PDE4A: variants seen among roughly 807,000 people sequenced by gnomAD.
PDE4A encodes the protein 3',5'-cyclic-AMP phosphodiesterase 4A.
PDE4A carries 21 observed loss-of-function variants against 73.9 expected under a neutral mutation model. That is an observed-to-expected ratio of 0.28 (90% CI 0.20 to 0.41). PDE4A has a LOEUF of 0.41. Among genes scored for constraint, PDE4A ranks in the 10% least tolerant of loss-of-function variants. The probability of loss-of-function intolerance (pLI) is 1.00; values close to 1 mark genes in which losing one functional copy is unlikely to be tolerated. For synonymous variants in PDE4A, 463 were observed against 505.4 expected, an observed-to-expected ratio of 0.92 and a Z score of 1.13; for missense variants, 958 against 1,211.4, an observed-to-expected ratio of 0.79 and a Z score of 3.10.
intron 7 of PDE4A, 93 bp downstream of exon 7, chr19:10,455,015 C>A: frequency 8.2e-7 from 1 of 1,215,548 alleles, no homozygotes; most frequent in Non-Finnish European, 1.2e-6. Context: ...TCACATCTTC[C>A]CAGGGACTCT....
chr19:10,459,550 C>T lies in PDE4A; in HGVS notation c.1201-45C>T, dbSNP rs765201965. 6.8e-6 allele frequency: 11 copies of T among 1,610,956 alleles called. No homozygotes were observed. In the Admixed American group the frequency reaches 1.5e-4, roughly 22 times the overall value. ...CGGGTGAGGGGCTCATAGCGGGGCG[C>T]TGGAGGCCGGTGGAGGTCACCACCC... On this transcript the variant is annotated intron_variant, in intron 9 of 14. Coordinates refer to ENST00000380702, the MANE Select transcript of PDE4A (RefSeq NM_001111307.2).
At chr19:10,419,238 G>C (rs1174385289), upstream of PDE4A, among the ~76,000 whole-genome samples, 3 of 127,252 alleles carry the variant, frequency 2.4e-5, no homozygotes, top group African/African-American at 6.0e-5. Flanking sequence ...GGGGGGGGGG[G>C]CGGTGGGACA....
At chr19:10,427,074 G>T (rs1255818766) in intron 1 of PDE4A, among the ~76,000 whole-genome samples, 1 of 152,098 alleles carries the variant, frequency 6.6e-6, no homozygotes, top group Non-Finnish European at 1.5e-5. Flanking sequence ...GGCCGAGGCA[G>T]GTGGATCACG....
rs1039882418 is a variant in PDE4A at position 10,467,901 on chromosome 19, CAA to C, written c.*286_*287del. 1 of 284,974 alleles carries C rather than the reference CAA, an allele frequency of 3.5e-6. No homozygotes were observed. Among genetic ancestry groups the C allele is most frequent in the Non-Finnish European group, 6.4e-6 (1 of 155,924 alleles). The allele number at this position is 284,974 out of a possible 1,614,324, so 17.7% of individuals were successfully genotyped here. ...AATTGTAACATTTTTAGAAAAAGAACAAAAAAAGAAAAAAAAAAGAAAGAAAC... is the reference window on the plus strand; with the variant it reads ...AATTGTAACATTTTTAGAAAAAGAACAAAAAGAAAAAAAAAAGAAAGAAAC... On this transcript the variant is annotated 3_prime_UTR_variant, in exon 15 of 15. Coordinates refer to ENST00000380702, the MANE Select transcript of PDE4A (RefSeq NM_001111307.2).
At chr19:10,440,046 G>A (rs139434644) in intron 1 of PDE4A, among the ~76,000 whole-genome samples, 4 of 141,436 alleles carry the variant, frequency 2.8e-5, no homozygotes, top group East Asian at 2.2e-4. Context: ...GTGCAGTGGC[G>A]TGATCTTGGT....
intron 1 of PDE4A, among the ~76,000 whole-genome samples, chr19:10,444,030 A>G (rs2042972129): frequency 6.6e-6 from 1 of 151,280 alleles, no homozygotes; most frequent in African/African-American, 2.4e-5. Context: ...AGATAAATAT[A>G]GATTATGTCA....
At position 10,453,428 on chromosome 19, in the gene PDE4A, T is replaced by A; in HGVS notation, c.784-1401T>A. 1.5e-6 allele frequency: 2 copies of A among 1,379,006 alleles called. No homozygotes were observed. Among genetic ancestry groups the A allele is most frequent in the Non-Finnish European group, 1.9e-6 (2 of 1,031,158 alleles). 85.4% of individuals were successfully genotyped at this position (1,379,006 alleles called of 1,614,324 possible). On this transcript the variant is annotated intron_variant, in intron 6 of 14. Transcript: ENST00000380702. The surrounding 1 kb of genome is among the most constrained non-coding windows in gnomAD (Gnocchi z 4.6). ...GCTGTGCACGTGTGTGGCCTGGAGA[T>A]GAAGCCTTGTGACTGTCTCTGTGTG...
rs1251268156 is a variant in PDE4A at position 10,420,818 on chromosome 19, G to C, written c.54G>C (p.Gly18=). 2 of 1,587,430 alleles carry C rather than the reference G, an allele frequency of 1.3e-6. No individual in the cohort carries two copies. The highest frequency in any genetic ancestry group is 8.5e-7 in the Non-Finnish European group (1 of 1,174,958). ...GGAGCCTGTCTCTGTCACTGCCCGG[G>C]CCCCGGGAGGGCCAGGCCACCCTGA... The part of the protein sequence containing the change: ...SERSLSLSLP[G]PREGQATLKP... The change falls in exon 1 of 15, where the codon GGG becomes GGC. Residue 18 remains glycine (G), a synonymous_variant. Transcript: ENST00000380702. The surrounding 1 kb of genome is among the most constrained non-coding windows in gnomAD (Gnocchi z 6.0).
chr19:10,447,697 A>G (rs977220767), intron 2 of PDE4A, among the ~76,000 whole-genome samples: 3 of 152,060 alleles, frequency 2.0e-5, no homozygotes, highest in South Asian at 2.1e-4. Context: ...GTCCAGCCAG[A>G]AAGGTGTGAG....
chr19:10,417,959 C>G (rs1042850055), upstream of PDE4A: 25 of 1,383,194 alleles, frequency 1.8e-5, no homozygotes, highest in Admixed American at 5.6e-4. Context: ...GATCTCCATG[C>G]TCCCTGCCGT....
At chr19:10,430,790 C>T in intron 1 of PDE4A, 1 of 673,268 alleles carries the variant, frequency 1.5e-6, no homozygotes, top group Non-Finnish European at 1.8e-6. Flanking sequence ...GTGGGCCTGG[C>T]GGGGTGGGCG....
chr19:10,461,258 G>A (rs1158486247), intron 11 of PDE4A, among the ~76,000 whole-genome samples, 155 bp downstream of exon 11: 1 of 140,786 alleles, frequency 7.1e-6, no homozygotes, highest in Non-Finnish European at 1.6e-5. Flanking sequence ...GGCGGGGCTG[G>A]GGGCGGGGCT....
At chr19:10,444,938 G>C (rs1028185843) in intron 1 of PDE4A, among the ~76,000 whole-genome samples, 1 of 152,166 alleles carries the variant, frequency 6.6e-6, no homozygotes, top group Non-Finnish European at 1.5e-5. Context: ...CTCCCAAAGT[G>C]CTGGGATTAC....
In PDE4A at chr19:10,450,851, C is replaced by T. The variant is rs2043079027; in HGVS notation, c.693C>T (p.Ala231=). Residue 231 remains alanine (A), a synonymous_variant, in exon 6 of 15, where the codon GCC becomes GCT. Coordinates refer to ENST00000380702, the MANE Select transcript of PDE4A (RefSeq NM_001111307.2). ...TAGAAGAAACGTGTCAGCAGTTGGC[C>T]CGGGAGACTCTGGAGGAGCTGGACT... is the stretch of plus-strand genomic sequence containing the variant. ...TLSEETCQQL[A]RETLEELDWC... 5.0e-6 allele frequency: 8 copies of T among 1,611,482 alleles called. No homozygotes were observed. Among genetic ancestry groups the T allele is most frequent in the Non-Finnish European group, 6.8e-6 (8 of 1,178,912 alleles).
rs886766789 is a variant in PDE4A, at chr19:10,420,578, G to A, written c.-187G>A. 1.0e-5 allele frequency: 13 copies of A among 1,255,472 alleles called. No homozygotes were observed. Among genetic ancestry groups the A allele is most frequent in the Admixed American group, 4.3e-5 (1 of 23,088 alleles). 77.8% of individuals were successfully genotyped at this position (1,255,472 alleles called of 1,614,324 possible). A position where few individuals can be genotyped will look rare whatever the true frequency, so the allele number is the denominator to read the frequency against. ...CTGAGCAGAGCTCCAGGCGCCGAAAGGAAGCTGCAGAGCCCGGCCCGGGGG... is the reference window on the plus strand; with the variant it reads ...CTGAGCAGAGCTCCAGGCGCCGAAAAGAAGCTGCAGAGCCCGGCCCGGGGG... On this transcript the variant is annotated 5_prime_UTR_variant, in exon 1 of 15. Transcript: ENST00000380702. This position sits in a 1 kb window ranked among gnomAD's most constrained non-coding sequence, Gnocchi z 6.0.
chr19:10,420,303 GC>G, upstream of PDE4A: 1 of 786,824 alleles, frequency 1.3e-6, no homozygotes, highest in Non-Finnish European at 1.5e-6. This position sits in a 1 kb window ranked among gnomAD's most constrained non-coding sequence, Gnocchi z 6.0. Flanking sequence ...CCGCGGCCAA[GC>G]AGGGTGCTTT....
At chr19:10,431,112 G>C in intron 1 of PDE4A, 1 of 1,461,140 alleles carries the variant, frequency 6.8e-7, no homozygotes, top group East Asian at 2.7e-5. Flanking sequence ...GTGGCCGTGG[G>C]TTCAAGTCGC....
chr19:10,427,691 G>A, intron 1 of PDE4A: 1 of 965,322 alleles, frequency 1.0e-6, no homozygotes, highest in Non-Finnish European at 1.2e-6. Context: ...TAGATTGGGA[G>A]ACCCTAGCCA....
At chr19:10,447,225 T>C (rs1335581456) in intron 2 of PDE4A, among the ~76,000 whole-genome samples, 9 of 118,990 alleles carry the variant, frequency 7.6e-5, no homozygotes, top group African/African-American at 3.0e-4. Flanking sequence ...CTCTTTTTTT[T>C]TTTTTTTTTT....
Sources: allele counts gnomAD v4.1 joint callset (sites outside exome capture counted in the v4.1 genomes callset), GRCh38; gene constraint gnomAD v4.1.1; non-coding constraint Gnocchi (gnomAD v3.1); transcripts MANE v1.5; gene names NCBI Gene and HGNC (gene_info 2026-07-23, HGNC 2026-07-21).